Variants in PAN3 observed in about 807,000 individuals in gnomAD.
PAN3 encodes the protein poly(A) specific ribonuclease subunit PAN3.
A neutral mutation model predicts 96.2 loss-of-function variants in PAN3; 19 were observed. The observed-to-expected ratio is 0.20, with a 90% confidence interval of 0.14 to 0.29. PAN3 has a LOEUF of 0.29. PAN3 is among the 10% of genes least tolerant of loss of function. The pLI is 1.00. For missense variants in PAN3, 882 were observed against 1,108.1 expected (o/e 0.80, Z 2.90); for synonymous variants, 433 against 406.6 (o/e 1.06, Z -0.78).
At chr13:28,224,299 AAC>A (rs1360495042) in intron 6 of PAN3, among the ~76,000 whole-genome samples, 1 of 152,194 alleles carries the variant, frequency 6.6e-6, no homozygotes, top group Admixed American at 6.5e-5. Context: ...CCTCAGTGTT[AAC>A]AAATTTACAG....
At chr13:28,155,843 C>T (rs1230585335) in intron 1 of PAN3, among the ~76,000 whole-genome samples, 1 of 152,048 alleles carries the variant, frequency 6.6e-6, no homozygotes, top group East Asian at 1.9e-4. Flanking sequence ...AAAGGGCATT[C>T]TAGGTAGATG....
chr13:28,263,111 G>GA (rs1243879262), intron 9 of PAN3, among the ~76,000 whole-genome samples: 8 of 152,158 alleles, frequency 5.3e-5, no homozygotes, highest in Admixed American at 4.6e-4. Context: ...GTACTTTGAA[G>GA]AGTATGGTTA....
intron 18 of PAN3, among the ~76,000 whole-genome samples, chr13:28,289,234 A>T (rs1184748066): frequency 1.3e-5 from 2 of 152,174 alleles, no homozygotes; most frequent in Non-Finnish European, 2.9e-5. Context: ...GATTAGATGA[A>T]TTAAGTAGAT....
chr13:28,225,929 T>C (rs1182671468), intron 6 of PAN3, among the ~76,000 whole-genome samples: 1 of 152,188 alleles, frequency 6.6e-6, no homozygotes, highest in East Asian at 1.9e-4. Flanking sequence ...CTCTTGTAAG[T>C]CATAAGGAAT....
intron 6 of PAN3, among the ~76,000 whole-genome samples, chr13:28,226,295 G>T (rs1039501356): frequency 2.0e-5 from 3 of 152,116 alleles, no homozygotes; most frequent in African/African-American, 7.2e-5. Context: ...AAACATAACA[G>T]ATTTTCCTTG....
chr13:28,142,700 T>C (rs764583426), intron 1 of PAN3, among the ~76,000 whole-genome samples: 3 of 152,154 alleles, frequency 2.0e-5, no homozygotes, highest in Non-Finnish European at 4.4e-5. Context: ...TTTTAATTTC[T>C]ATGTTTGTGG....
intron 5 of PAN3, among the ~76,000 whole-genome samples, chr13:28,208,450 A>G (rs1186992485): frequency 1.3e-5 from 2 of 152,280 alleles, no homozygotes; most frequent in East Asian, 3.9e-4. Flanking sequence ...GCACTTTTAC[A>G]TGTAAATAAC....
intron 14 of PAN3, among the ~76,000 whole-genome samples, chr13:28,275,352 A>G (rs1886971848): frequency 6.6e-6 from 1 of 152,086 alleles, no homozygotes; most frequent in Non-Finnish European, 1.5e-5. Flanking sequence ...GCTCTCTTGG[A>G]CCATTTTGGT....
intron 5 of PAN3, among the ~76,000 whole-genome samples, chr13:28,218,779 C>G (rs377309351): frequency 6.6e-6 from 1 of 152,048 alleles, no homozygotes; most frequent in South Asian, 2.1e-4. Context: ...TGGGTAATAC[C>G]TGTTTCTCAG....
rs751236071 is a variant in PAN3, at chr13:28,256,500, C to T, written c.1209C>T (p.Tyr403=). The change falls in exon 7 of 19, where the codon TAC becomes TAT. Residue 403 remains tyrosine (Y), a synonymous_variant. Coordinates refer to ENST00000380958, the MANE Select transcript of PAN3 (RefSeq NM_175854.8). ...IQKETVGGTT[Y]FYTDTTPAPL... is the part of the protein sequence containing the mutation. ...AGGAAACTGTTGGTGGGACGACTTA[C>T]TTCTATACAGACACAACTCCAGCAC... The T allele has an allele frequency of 1.2e-6, 2 of 1,614,056 alleles. No individual in the cohort carries two copies. Among genetic ancestry groups the T allele is most frequent in the Non-Finnish European group, 1.7e-6 (2 of 1,179,940 alleles).
At chr13:28,255,549 A>G (rs139876895) in intron 6 of PAN3, among the ~76,000 whole-genome samples, 48 of 152,130 alleles carry the variant, frequency 3.2e-4, no homozygotes, top group African/African-American at 9.9e-4. Flanking sequence ...AATGTTTCTT[A>G]CTGGTTGTGG....
At chr13:28,214,667 G>A (rs1438636022) in intron 5 of PAN3, 2 of 444,732 alleles carry the variant, frequency 4.5e-6, no homozygotes, top group East Asian at 5.1e-5. Flanking sequence ...GATGGGAAAG[G>A]GCTCCTTCAA....
chr13:28,168,793 C>T (rs987277763), intron 1 of PAN3, among the ~76,000 whole-genome samples: 1 of 151,772 alleles, frequency 6.6e-6, no homozygotes, highest in South Asian at 2.1e-4. Context: ...CTGAGGCGGG[C>T]AGATCATGAG....
chr13:28,146,170 A>G (rs759045207), intron 1 of PAN3, among the ~76,000 whole-genome samples: 2 of 152,048 alleles, frequency 1.3e-5, no homozygotes, highest in African/African-American at 4.8e-5. Flanking sequence ...TCCAGGGTTA[A>G]TCATTATTAA....
At chr13:28,152,907 G>C (rs1231150038) in intron 1 of PAN3, among the ~76,000 whole-genome samples, 1 of 152,176 alleles carries the variant, frequency 6.6e-6, no homozygotes, top group Non-Finnish European at 1.5e-5. Context: ...CCTAGTGTTT[G>C]TGTGGGTATG....
At chr13:28,286,309 C>A (rs1198740011) in intron 17 of PAN3, among the ~76,000 whole-genome samples, 1 of 152,194 alleles carries the variant, frequency 6.6e-6, no homozygotes, top group Non-Finnish European at 1.5e-5. Context: ...AGCTCTTCAT[C>A]TTCTGGTTTG....
intron 9 of PAN3, among the ~76,000 whole-genome samples, chr13:28,264,260 C>T (rs564812691): frequency 6.2e-4 from 95 of 152,068 alleles, no homozygotes; most frequent in African/African-American, 2.2e-3. Flanking sequence ...AAAAACGCGC[C>T]GGGCGCAGTG....
At chr13:28,205,396 C>G (rs917524853) in intron 5 of PAN3, among the ~76,000 whole-genome samples, 1 of 152,028 alleles carries the variant, frequency 6.6e-6, no homozygotes, top group African/African-American at 2.4e-5. Context: ...AGCTGATACT[C>G]GAAATCTTTA....
chr13:28,250,583 T>G (rs1050364281), intron 6 of PAN3, among the ~76,000 whole-genome samples: 2 of 152,174 alleles, frequency 1.3e-5, no homozygotes, highest in Admixed American at 6.5e-5. Flanking sequence ...GCCAGGCTGG[T>G]CTCAGACTCC....
Sources: gnomAD v4.1 joint callset for allele counts (sites outside exome capture counted in the v4.1 genomes callset) on GRCh38, gnomAD v4.1.1 for gene constraint, MANE v1.5 for transcripts, NCBI Gene and HGNC (gene_info 2026-07-23, HGNC 2026-07-21) for gene names.